Variants in CSMD1 observed in about 807,000 individuals in gnomAD.
CSMD1 encodes the protein CUB and sushi domain-containing protein 1.
Under a neutral mutation model 417.5 loss-of-function variants are expected in CSMD1, and 213 were observed. The observed-to-expected ratio is 0.51, with a 90% confidence interval of 0.46 to 0.57. CSMD1 has a LOEUF of 0.57. CSMD1 is among the 20% of genes least tolerant of loss of function. CSMD1 has a pLI of 0.00. For missense variants in CSMD1, 6,923 were observed against 4,529.7 expected (o/e 1.53, Z -15.17); for synonymous variants, 2,862 against 1,736.8 (o/e 1.65, Z -16.11).
At chr8:4,714,010 T>G (rs1203242941) in intron 1 of CSMD1, among the ~76,000 whole-genome samples, 2 of 152,050 alleles carry the variant, frequency 1.3e-5, no homozygotes, top group Admixed American at 1.3e-4. Flanking sequence ...CCAAGCATGG[T>G]GGCAGGTGCC....
chr8:3,790,919 T>C (rs1009261739), intron 5 of CSMD1, among the ~76,000 whole-genome samples: 1 of 152,154 alleles, frequency 6.6e-6, no homozygotes, highest in Non-Finnish European at 1.5e-5. Context: ...TGTCAGGTCC[T>C]AAGAGCAACA....
At chr8:4,696,479 C>T (rs574269676) in intron 1 of CSMD1, among the ~76,000 whole-genome samples, 5 of 152,212 alleles carry the variant, frequency 3.3e-5, no homozygotes, top group East Asian at 1.9e-4. Context: ...AACAGAGGGA[C>T]GGGAACTTCA....
chr8:4,713,518 C>T (rs1179405842), intron 1 of CSMD1, among the ~76,000 whole-genome samples: 2 of 152,218 alleles, frequency 1.3e-5, no homozygotes, highest in Non-Finnish European at 2.9e-5. Flanking sequence ...TTTCCTGCCT[C>T]AGCCTCCCGG....
intron 3 of CSMD1, among the ~76,000 whole-genome samples, chr8:4,344,096 C>T (rs1033470313): frequency 1.3e-5 from 2 of 152,234 alleles, no homozygotes; most frequent in Admixed American, 6.5e-5. Flanking sequence ...GGTATACCAG[C>T]ACCTCGAGTA....
intron 14 of CSMD1, among the ~76,000 whole-genome samples, chr8:3,406,603 A>G (rs148536702): frequency 1.6e-3 from 240 of 152,244 alleles, no homozygotes; most frequent in African/African-American, 5.0e-3. Flanking sequence ...CATTGGGCAT[A>G]TGACTCTGAC....
chr8:4,141,885 G>C (rs1803812900), intron 3 of CSMD1, among the ~76,000 whole-genome samples: 1 of 150,916 alleles, frequency 6.6e-6, no homozygotes, highest in South Asian at 2.1e-4. Flanking sequence ...ATCCTACAAG[G>C]AGGAAAGAAA....
At chr8:4,395,464 A>G (rs34598031) in intron 3 of CSMD1, among the ~76,000 whole-genome samples, 13,201 of 151,926 alleles carry the variant, frequency 0.087, 714 homozygotes, top group African/African-American at 0.15. Context: ...TAGCAGCAAG[A>G]TTACTGTTTC....
At chr8:4,460,834 C>T (rs1454627484) in intron 2 of CSMD1, among the ~76,000 whole-genome samples, 1 of 152,220 alleles carries the variant, frequency 6.6e-6, no homozygotes, top group East Asian at 1.9e-4. Flanking sequence ...CTGGTGAATT[C>T]TACCAAACAT....
chr8:4,195,619 T>C (rs983473681), intron 3 of CSMD1, among the ~76,000 whole-genome samples: 3 of 152,148 alleles, frequency 2.0e-5, no homozygotes, highest in Non-Finnish European at 2.9e-5. Context: ...TATATAAGGC[T>C]GCATCTTGCC....
rs895376589 is a variant in CSMD1, at chr8:3,238,070, C to G, written c.4154-7839G>C. Among the ~76,000 whole-genome samples the G allele has an allele frequency of 4.6e-5, 7 of 151,826 alleles. No individual in the cohort carries two copies. The East Asian group carries it at 5.8e-4, about 13-fold the overall frequency. ...GCTGTTTATTTCACCTGGGTGCAGA[C>G]GGGCTGAGTCCGAAAAGAGAGTCAC... On this transcript the variant is annotated intron_variant, in intron 26 of 69. Coordinates refer to ENST00000635120, the MANE Select transcript of CSMD1 (RefSeq NM_033225.6).
chr8:4,304,249 A>T (rs1265875980), intron 3 of CSMD1, among the ~76,000 whole-genome samples: 1 of 152,234 alleles, frequency 6.6e-6, no homozygotes, highest in Non-Finnish European at 1.5e-5. Flanking sequence ...AGGGCTTTGC[A>T]GGCAAAGTCA....
intron 1 of CSMD1, among the ~76,000 whole-genome samples, chr8:4,875,455 G>A (rs774907093): frequency 2.6e-5 from 4 of 151,984 alleles, no homozygotes; most frequent in Non-Finnish European, 4.4e-5. Flanking sequence ...AAAGCTAAAA[G>A]CCATTTTACA....
intron 1 of CSMD1, among the ~76,000 whole-genome samples, chr8:4,956,896 C>A (rs1809152544): frequency 6.6e-6 from 1 of 152,146 alleles, no homozygotes; most frequent in African/African-American, 2.4e-5. Flanking sequence ...AATCCCCAAC[C>A]AGGCGCTCTC....
chr8:3,776,970 T>C (rs1345879729), intron 5 of CSMD1, among the ~76,000 whole-genome samples: 4 of 151,932 alleles, frequency 2.6e-5, no homozygotes, highest in African/African-American at 9.7e-5. Context: ...TACCTGGGCC[T>C]CCCATAGTGC....
intron 3 of CSMD1, among the ~76,000 whole-genome samples, chr8:4,142,472 G>C (rs895785713): frequency 1.3e-5 from 2 of 151,148 alleles, no homozygotes; most frequent in African/African-American, 2.5e-5. Context: ...AATCTACCTT[G>C]TTATTTGCTA....
intron 1 of CSMD1, among the ~76,000 whole-genome samples, chr8:4,946,224 C>A (rs2117261079): frequency 6.6e-6 from 1 of 152,234 alleles, no homozygotes; most frequent in Middle Eastern, 3.4e-3. Flanking sequence ...GATCTAAATC[C>A]CTGTCTTGTT....
chr8:4,126,615 C>G (rs1201403479), intron 3 of CSMD1, among the ~76,000 whole-genome samples: 1 of 152,152 alleles, frequency 6.6e-6, no homozygotes, highest in Admixed American at 6.5e-5. Context: ...ATTTATACTG[C>G]ACATGTCCTT....
intron 3 of CSMD1, among the ~76,000 whole-genome samples, chr8:4,191,225 T>A (rs1799009329): frequency 6.6e-6 from 1 of 152,040 alleles, no homozygotes; most frequent in African/African-American, 2.4e-5. Context: ...TGAAACCCCA[T>A]CTGTACTAAA....
chr8:4,161,496 G>A (rs577576414), intron 3 of CSMD1, among the ~76,000 whole-genome samples: 3 of 152,084 alleles, frequency 2.0e-5, no homozygotes, highest in East Asian at 3.9e-4. Flanking sequence ...TGAGATAAAA[G>A]AAAAAGGACT....
Sources: gnomAD v4.1 joint callset for allele counts (sites outside exome capture counted in the v4.1 genomes callset) on GRCh38, gnomAD v4.1.1 for gene constraint, MANE v1.5 for transcripts, NCBI Gene and HGNC (gene_info 2026-07-23, HGNC 2026-07-21) for gene names.